LRIF1: variants seen among roughly 807,000 people sequenced by gnomAD.
LRIF1 encodes ligand-dependent nuclear receptor-interacting factor 1.
In LRIF1, 32 loss-of-function variants were observed where a neutral mutation model predicts 52.7. The observed-to-expected ratio is 0.61, with a 90% CI of 0.46 to 0.82. LRIF1 has a LOEUF of 0.82. Ranked by LOEUF, LRIF1 falls within the 40% of genes least tolerant of loss-of-function variation. The pLI is 0.00. For missense variants in LRIF1, 887 were observed against 892.0 expected, an observed-to-expected ratio of 0.99 and a Z score of 0.07; for synonymous variants, 323 against 317.4, an observed-to-expected ratio of 1.02 and a Z score of -0.19.
At chr1:110,958,910 TA>T (rs1164329800) in intron 1 of LRIF1, among the ~76,000 whole-genome samples, 1 of 152,242 alleles carries the variant, frequency 6.6e-6, no homozygotes, top group Non-Finnish European at 1.5e-5. Context: ...TTCTAAAAAT[TA>T]ATCTGCAGAA....
chr1:110,905,464 G>A, the LRIF1 span, among the ~76,000 whole-genome samples: 1 of 151,112 alleles, frequency 6.6e-6, no homozygotes, highest in Non-Finnish European at 1.5e-5. Flanking sequence ...AACCTTACAG[G>A]CCGAGAGAGT....
At chr1:110,886,489 C>T in the LRIF1 span, among the ~76,000 whole-genome samples, 1 of 152,008 alleles carries the variant, frequency 6.6e-6, no homozygotes, top group Admixed American at 6.6e-5. Context: ...TTAGAGACTC[C>T]AGTGACATGT....
chr1:110,931,640 G>A, the LRIF1 span, among the ~76,000 whole-genome samples: 3 of 152,118 alleles, frequency 2.0e-5, no homozygotes, highest in African/African-American at 7.2e-5. Flanking sequence ...ATCCTCTCCA[G>A]TATCTGTTGT....
At chr1:110,911,176 AC>A in the LRIF1 span, among the ~76,000 whole-genome samples, 1 of 150,950 alleles carries the variant, frequency 6.6e-6, no homozygotes, top group East Asian at 2.0e-4. Flanking sequence ...GCTACCCTCA[AC>A]CCCCCAGGGA....
rs1658542661 is a variant in LRIF1 at position 110,952,850 on chromosome 1, C to A, written c.69-35G>T. 5 of 1,227,210 alleles carry A rather than the reference C, an allele frequency of 4.1e-6. 1 individual carries two copies. Among genetic ancestry groups the A allele is most frequent in the African/African-American group, 1.5e-5 (1 of 66,260 alleles). The allele number at this position is 1,227,210 out of a possible 1,614,324, so 76.0% of individuals were successfully genotyped here. Reference sequence around the variant, plus strand: ...ACATTGAGTAAATAAATACAACATACTACATGGTATATACATTTTATTTAA... The same window carrying A: ...ACATTGAGTAAATAAATACAACATAATACATGGTATATACATTTTATTTAA... On this transcript the variant is annotated intron_variant, in intron 1 of 3. Transcript: ENST00000369763.
intron 1 of LRIF1, among the ~76,000 whole-genome samples, chr1:110,962,101 A>T (rs1658983113): frequency 7.4e-6 from 1 of 134,842 alleles, no homozygotes; most frequent in African/African-American, 2.8e-5. Context: ...CACACAAAGT[A>T]AAGTTGTTTA....
At chr1:110,936,003 T>A in the LRIF1 span, among the ~76,000 whole-genome samples, 1 of 152,136 alleles carries the variant, frequency 6.6e-6, no homozygotes, top group Non-Finnish European at 1.5e-5. Flanking sequence ...GGCAGCAGAC[T>A]TTCCAGTGGA....
At chr1:110,945,970 T>C (rs867159077), downstream of LRIF1, among the ~76,000 whole-genome samples, 1 of 152,200 alleles carries the variant, frequency 6.6e-6, no homozygotes, top group African/African-American at 2.4e-5. Flanking sequence ...ACAGTTATTG[T>C]ATGACCCAGC....
At chr1:110,950,988 C>T (rs2101108098) in intron 2 of LRIF1, among the ~76,000 whole-genome samples, 1 of 152,206 alleles carries the variant, frequency 6.6e-6, no homozygotes, top group East Asian at 1.9e-4. Context: ...TTTGAATTCA[C>T]ATTATCCTTC....
the LRIF1 span, among the ~76,000 whole-genome samples, chr1:110,895,857 T>C: frequency 6.6e-6 from 1 of 152,198 alleles, no homozygotes; most frequent in Admixed American, 6.5e-5. Context: ...CGTTAGAATA[T>C]GTTAAAGCAA....
the LRIF1 span, chr1:110,894,326 GTTC>G: frequency 6.2e-7 from 1 of 1,613,960 alleles, no homozygotes; most frequent in Non-Finnish European, 8.5e-7. Context: ...CTTTGTCCCA[GTTC>G]TTCATCCTGC....
chr1:110,953,180 C>A (rs567456426), intron 1 of LRIF1, among the ~76,000 whole-genome samples: 43 of 152,252 alleles, frequency 2.8e-4, no homozygotes, highest in African/African-American at 1.0e-3. Flanking sequence ...CTCCTCTACT[C>A]TAACTGAAGA....
the LRIF1 span, among the ~76,000 whole-genome samples, chr1:110,935,984 G>A: frequency 3.3e-5 from 5 of 151,890 alleles, no homozygotes; most frequent in Admixed American, 6.6e-5. Flanking sequence ...ATGGAGCTCC[G>A]ATATATCTGG....
rs1166549854 is a variant in LRIF1, at chr1:110,951,842, T to C, written c.1042A>G (p.Lys348Glu). The C allele has an allele frequency of 1.2e-6, 2 of 1,613,220 alleles. No individual in the cohort carries two copies. Among genetic ancestry groups the C allele is most frequent in the Non-Finnish European group, 1.7e-6 (2 of 1,180,026 alleles). The change falls in exon 2 of 4, where the codon AAA (lysine) becomes GAA (glutamate). Residue 348 changes from lysine (K) to glutamate (E), a missense_variant. Coordinates refer to ENST00000369763, the MANE Select transcript of LRIF1 (RefSeq NM_018372.4). ...GCATTATCTTTAATAGGCATATTTT[T>C]GGATCGCGTCCCACTAGGATCGATG... ...STIDPSGTRS[K>E]NMPIKDNALV...
At chr1:110,956,603 G>C (rs1037149798) in intron 1 of LRIF1, among the ~76,000 whole-genome samples, 2 of 152,186 alleles carry the variant, frequency 1.3e-5, no homozygotes, top group East Asian at 3.8e-4. Context: ...CAGTTTCGTA[G>C]ATGCAGCAAT....
chr1:110,960,450 T>G (rs552042678), intron 1 of LRIF1, among the ~76,000 whole-genome samples: 1 of 152,268 alleles, frequency 6.6e-6, no homozygotes, highest in East Asian at 1.9e-4. Context: ...TGAGAACACT[T>G]AAGTTTAGCT....
intron 2 of LRIF1, 72 bp from the exon 3 acceptor site, chr1:110,950,195 GATT>G: frequency 1.4e-6 from 2 of 1,466,040 alleles, no homozygotes; most frequent in Non-Finnish European, 1.8e-6. Flanking sequence ...GCAACTAAGT[GATT>G]ATTTCATCTT....
At chr1:110,912,426 G>C in the LRIF1 span, among the ~76,000 whole-genome samples, 1 of 152,068 alleles carries the variant, frequency 6.6e-6, no homozygotes. Context: ...TGGCCAAGCT[G>C]GTCTAAAACT....
chr1:110,954,293 G>A lies in LRIF1; in HGVS notation c.69-1478C>T, dbSNP rs146621164. 2.6e-3 allele frequency among the ~76,000 whole-genome samples: 403 copies of A among 152,132 alleles called. 2 individuals are homozygous for A. Among genetic ancestry groups the A allele is most frequent in the African/African-American group, 9.3e-3 (388 of 41,498 alleles). ...ATTACATTGACATTTTGTTATTGTTGCTGTTGAGACAGGGCCCGGCTCTGT... is the reference window on the plus strand; with the variant it reads ...ATTACATTGACATTTTGTTATTGTTACTGTTGAGACAGGGCCCGGCTCTGT... On this transcript the variant is annotated intron_variant, in intron 1 of 3. Coordinates refer to ENST00000369763, the MANE Select transcript of LRIF1 (RefSeq NM_018372.4).
Sources: gnomAD v4.1 joint callset for allele counts (sites outside exome capture counted in the v4.1 genomes callset) on GRCh38, gnomAD v4.1.1 for gene constraint, MANE v1.5 for transcripts, NCBI Gene and HGNC (gene_info 2026-07-23, HGNC 2026-07-21) for gene names.